CA10: variants seen among roughly 807,000 people sequenced by gnomAD.
CA10 encodes carbonic anhydrase 10 (inactive), also known as carbonic anhydrase-related protein 10.
Under a neutral mutation model 44.2 loss-of-function variants are expected in CA10, and 14 were observed. That is an observed-to-expected ratio of 0.32 (90% CI 0.21 to 0.50). The LOEUF is 0.50. Among genes scored for constraint, CA10 ranks in the 20% least tolerant of loss-of-function variants. The pLI is 0.99. For synonymous variants in CA10, 159 were observed against 141.6 expected (o/e 1.12, Z -0.87); for missense variants, 350 against 409.7 (o/e 0.85, Z 1.26).
At chr17:52,128,681 A>G (rs551351796) in intron 1 of CA10, among the ~76,000 whole-genome samples, 1 of 152,314 alleles carries the variant, frequency 6.6e-6, no homozygotes, top group African/African-American at 2.4e-5. Context: ...TAATTGATCA[A>G]TTGGAGACAT....
intron 2 of CA10, among the ~76,000 whole-genome samples, chr17:51,986,941 CTG>C (rs1984860510): frequency 6.6e-6 from 1 of 151,944 alleles, no homozygotes; most frequent in African/African-American, 2.4e-5. Flanking sequence ...CTATGGAAAA[CTG>C]TGGAGATTCC....
intron 3 of CA10, among the ~76,000 whole-genome samples, chr17:51,927,153 A>G (rs1265103185): frequency 6.6e-6 from 1 of 152,142 alleles, no homozygotes; most frequent in Non-Finnish European, 1.5e-5. Context: ...TATACTTAAC[A>G]TATGATCCTA....
At chr17:51,806,063 G>T (rs2143728417) in intron 3 of CA10, among the ~76,000 whole-genome samples, 1 of 152,338 alleles carries the variant, frequency 6.6e-6, no homozygotes, top group Non-Finnish European at 1.5e-5. Context: ...AAGGGTGAGA[G>T]TAGAGCAAGA....
At position 51,765,737 on chromosome 17, in the gene CA10, A is replaced by ATGTGTGTG. The variant is rs1555597234; in HGVS notation, c.280-17920_280-17919insCACACACA. On this transcript the variant is annotated intron_variant, in intron 3 of 8. Coordinates refer to ENST00000451037, the MANE Select transcript of CA10 (RefSeq NM_020178.5). ...TGTGTGTGTGTGTATGTGTGTGTGC[A>ATGTGTGTG]TGCATGTGTTTAGGGGGGGTTGGGT... Among the ~76,000 whole-genome samples the ATGTGTGTG allele has an allele frequency of 5.6e-4, 53 of 94,656 alleles. No individual in the cohort carries two copies. In the East Asian group the frequency reaches 0.012, roughly 22 times the overall value. 62.1% of individuals were successfully genotyped at this position (94,656 alleles called of 152,430 possible).
chr17:51,652,878 G>C (rs534809408), intron 5 of CA10, among the ~76,000 whole-genome samples: 114 of 152,160 alleles, frequency 7.5e-4, no homozygotes, highest in African/African-American at 2.3e-3. Flanking sequence ...CTAATGTTTG[G>C]AACTGCCACA....
At chr17:51,883,616 C>A (rs1175109540) in intron 3 of CA10, among the ~76,000 whole-genome samples, 1 of 152,110 alleles carries the variant, frequency 6.6e-6, no homozygotes, top group African/African-American at 2.4e-5. Flanking sequence ...CTTCTTTCAT[C>A]TTCCAGGATA....
chr17:52,111,206 G>A (rs1207700597), intron 1 of CA10, among the ~76,000 whole-genome samples: 1 of 152,130 alleles, frequency 6.6e-6, no homozygotes, highest in African/African-American at 2.4e-5. Flanking sequence ...CACTGATTAT[G>A]TATGACGCTC....
chr17:51,918,469 G>A (rs111496649), intron 3 of CA10, among the ~76,000 whole-genome samples: 5 of 152,128 alleles, frequency 3.3e-5, no homozygotes, highest in Admixed American at 6.5e-5. Flanking sequence ...TAGATATAAC[G>A]TACCAAACTG....
At chr17:51,732,376 T>G (rs2143563851) in intron 4 of CA10, among the ~76,000 whole-genome samples, 1 of 152,354 alleles carries the variant, frequency 6.6e-6, no homozygotes, top group South Asian at 2.1e-4. Flanking sequence ...ACACTCCTGT[T>G]TGTCTGGGAT....
chr17:51,878,136 T>C (rs566413511), intron 3 of CA10, among the ~76,000 whole-genome samples: 5 of 88,250 alleles, frequency 5.7e-5, no homozygotes, highest in Admixed American at 1.9e-4. Flanking sequence ...AGAGCATGAC[T>C]CCGTCTCAAA....
intron 2 of CA10, among the ~76,000 whole-genome samples, chr17:51,993,710 G>C (rs1227150250): frequency 6.6e-6 from 1 of 151,964 alleles, no homozygotes; most frequent in Non-Finnish European, 1.5e-5. Context: ...ATGTGATTTT[G>C]CCTAAATTTA....
intron 4 of CA10, among the ~76,000 whole-genome samples, chr17:51,736,497 C>T (rs1308045075): frequency 1.3e-5 from 2 of 152,182 alleles, no homozygotes; most frequent in East Asian, 1.9e-4. Context: ...TATCTGGTGG[C>T]CCCTGGGCCT....
At chr17:51,797,371 C>T (rs1417734385) in intron 3 of CA10, among the ~76,000 whole-genome samples, 15 of 152,218 alleles carry the variant, frequency 9.9e-5, no homozygotes, top group Admixed American at 9.8e-4. Flanking sequence ...TGCACGCACA[C>T]ACGCACACCC....
intron 3 of CA10, among the ~76,000 whole-genome samples, chr17:51,768,887 C>T (rs1291422422): frequency 6.6e-6 from 1 of 151,988 alleles, no homozygotes; most frequent in African/African-American, 2.4e-5. Context: ...ATCTCGTTTT[C>T]AGAAAGGAAA....
chr17:51,653,140 G>A (rs968719011), intron 5 of CA10, among the ~76,000 whole-genome samples: 2 of 152,162 alleles, frequency 1.3e-5, no homozygotes, highest in Non-Finnish European at 2.9e-5. Context: ...GGCTTATGAA[G>A]GAACGGGAGA....
At chr17:51,885,482 A>C (rs1362221421) in intron 3 of CA10, among the ~76,000 whole-genome samples, 1 of 150,234 alleles carries the variant, frequency 6.7e-6, no homozygotes, top group Non-Finnish European at 1.5e-5. Flanking sequence ...CTTCACCCCC[A>C]TCTACTCCTC....
chr17:51,852,470 G>A (rs28576550), intron 3 of CA10, among the ~76,000 whole-genome samples: 9,505 of 152,208 alleles, frequency 0.062, 634 homozygotes, highest in African/African-American at 0.17. Context: ...CTAGGCACTT[G>A]CTTATATGTT....
chr17:51,856,248 C>T (rs999226359), intron 3 of CA10, among the ~76,000 whole-genome samples: 1 of 152,132 alleles, frequency 6.6e-6, no homozygotes, highest in African/African-American at 2.4e-5. Flanking sequence ...TCCTCCCATG[C>T]AATAGCAGTG....
chr17:51,879,827 G>A (rs999888491), intron 3 of CA10, among the ~76,000 whole-genome samples: 4 of 152,154 alleles, frequency 2.6e-5, no homozygotes, highest in Admixed American at 2.6e-4. Flanking sequence ...AAAAGAAAAG[G>A]AAGTGACATG....
Sources: allele counts gnomAD v4.1 joint callset (sites outside exome capture counted in the v4.1 genomes callset), GRCh38; gene constraint gnomAD v4.1.1; transcripts MANE v1.5; gene names NCBI Gene and HGNC (gene_info 2026-07-23, HGNC 2026-07-21).